Variants in TRPM6 observed in about 807,000 individuals in gnomAD.
TRPM6 encodes transient receptor potential cation channel subfamily M member 6.
Under a neutral mutation model 247.6 loss-of-function variants are expected in TRPM6, and 111 were observed. That is an observed-to-expected ratio of 0.45 (90% CI 0.38 to 0.52). The LOEUF (loss-of-function observed/expected upper bound fraction) is 0.52, where lower values mean the gene tolerates loss of function less well. Ranked by LOEUF, TRPM6 falls within the 20% of genes least tolerant of loss-of-function variation. The pLI, the probability that TRPM6 is intolerant of heterozygous loss-of-function variation, is 0.00. For missense variants in TRPM6, 2,126 were observed against 2,421.5 expected (o/e 0.88, Z 2.56); for synonymous variants, 892 against 853.8 (o/e 1.04, Z -0.78).
chr9:74,866,473 T>A (rs146204765), intron 1 of TRPM6, among the ~76,000 whole-genome samples: 4 of 149,812 alleles, frequency 2.7e-5, no homozygotes, highest in African/African-American at 7.3e-5. Flanking sequence ...TTGGGGGGGT[T>A]TTTTGTTTTT....
intron 23 of TRPM6, among the ~76,000 whole-genome samples, chr9:74,777,697 G>T (rs1410363309): frequency 6.6e-6 from 1 of 152,146 alleles, no homozygotes; most frequent in Non-Finnish European, 1.5e-5. Flanking sequence ...AACCGTGCCA[G>T]GGCAGGAAGG....
intron 25 of TRPM6, among the ~76,000 whole-genome samples, chr9:74,771,493 C>T (rs1172399454): frequency 6.6e-6 from 1 of 152,226 alleles, no homozygotes; most frequent in Non-Finnish European, 1.5e-5. Context: ...TTATTAACCA[C>T]TTATTCCTAG....
intron 9 of TRPM6, among the ~76,000 whole-genome samples, chr9:74,817,849 G>T (rs1277970005): frequency 6.6e-6 from 1 of 152,160 alleles, no homozygotes; most frequent in African/African-American, 2.4e-5. Context: ...AGATTGGCAA[G>T]ACCTAGTCCC....
intron 1 of TRPM6, among the ~76,000 whole-genome samples, chr9:74,866,480 T>C (rs926111736): frequency 1.3e-5 from 2 of 152,064 alleles, no homozygotes; most frequent in African/African-American, 4.8e-5. Flanking sequence ...GGTTTTTTGT[T>C]TTTTGTTTTT....
chr9:74,731,215 G>T (rs1419341438), intron 37 of TRPM6, among the ~76,000 whole-genome samples: 2 of 152,088 alleles, frequency 1.3e-5, no homozygotes, highest in Non-Finnish European at 2.9e-5. Flanking sequence ...ATATGCCAAG[G>T]TCAAAATTTA....
chr9:74,803,337 G>T (rs930181305), intron 15 of TRPM6, among the ~76,000 whole-genome samples: 5 of 151,680 alleles, frequency 3.3e-5, no homozygotes, highest in Admixed American at 6.6e-5. Flanking sequence ...TTGTCATACT[G>T]TAATATTAGA....
intron 23 of TRPM6, among the ~76,000 whole-genome samples, chr9:74,776,489 A>G (rs182498109): frequency 1.3e-5 from 2 of 152,312 alleles, no homozygotes; most frequent in South Asian, 2.1e-4. Flanking sequence ...AAATGTGAGA[A>G]CTGCTAGAAA....
At chr9:74,726,819 G>T (rs1322884372) in intron 38 of TRPM6, among the ~76,000 whole-genome samples, 6 of 152,154 alleles carry the variant, frequency 3.9e-5, no homozygotes, top group Non-Finnish European at 1.5e-5. Flanking sequence ...CTTCCAGAGG[G>T]CCCTTACCTG....
At chr9:74,791,737 A>G (rs1342764235) in intron 19 of TRPM6, among the ~76,000 whole-genome samples, 1 of 152,118 alleles carries the variant, frequency 6.6e-6, no homozygotes, top group African/African-American at 2.4e-5. Context: ...ATTCCTACAA[A>G]CAAAAAGCTG....
rs143022242 is a variant in TRPM6, at chr9:74,739,902, A to G, written c.5308T>C (p.Leu1770=). ...CCCCCATCCATCTCCTCTCGGGACA[A>G]TACCTGGATCATTGCCGCTCTCCCA... is the stretch of plus-strand genomic sequence containing the variant. ...QRGRAAMIQV[L]SREEMDGGLR... The change falls in exon 34 of 39, where the codon TTG becomes CTG. Residue 1770 remains leucine (L), a synonymous_variant. Coordinates refer to ENST00000360774, the MANE Select transcript of TRPM6 (RefSeq NM_017662.5). The G allele has an allele frequency of 8.7e-6, 14 of 1,614,002 alleles. No homozygotes were observed. In the African/African-American group the frequency reaches 1.7e-4, roughly 20 times the overall value.
intron 1 of TRPM6, among the ~76,000 whole-genome samples, chr9:74,871,500 C>T (rs1831030088): frequency 6.6e-6 from 1 of 152,128 alleles, no homozygotes; most frequent in Non-Finnish European, 1.5e-5. Flanking sequence ...CCAGTATTCC[C>T]TAATATGGAA....
intron 16 of TRPM6, 90 bp downstream of exon 16, chr9:74,801,808 T>C: frequency 7.3e-6 from 11 of 1,509,890 alleles, no homozygotes; most frequent in Non-Finnish European, 1.0e-5. Context: ...AGTCCATTTG[T>C]CCTACAAGTT....
intron 25 of TRPM6, among the ~76,000 whole-genome samples, chr9:74,763,844 C>A (rs1158137353): frequency 6.6e-6 from 1 of 152,114 alleles, no homozygotes; most frequent in Non-Finnish European, 1.5e-5. Flanking sequence ...ATGTAAGTTG[C>A]AAGTAAATTG....
At chr9:74,745,980 C>T (rs181532615) in intron 31 of TRPM6, among the ~76,000 whole-genome samples, 24 of 152,284 alleles carry the variant, frequency 1.6e-4, no homozygotes, top group African/African-American at 4.8e-4. Context: ...CGGGGGCCCA[C>T]GCCTGTAATC....
At chr9:74,766,319 G>A (rs920132832) in intron 25 of TRPM6, among the ~76,000 whole-genome samples, 3 of 152,160 alleles carry the variant, frequency 2.0e-5, no homozygotes, top group Admixed American at 1.3e-4. Flanking sequence ...GACCACCAAC[G>A]ACATTAATTT....
rs1454690214 is a variant in TRPM6, at chr9:74,805,423, G to A, written c.1639-1537C>T. On this transcript the variant is annotated intron_variant, in intron 14 of 38. Transcript: ENST00000360774. ...GGTTCAGTAAAGAGTGGCTCTGGCCGCTAATCCCAGAAATTACTCCCTCAT... is the reference window on the plus strand; with the variant it reads ...GGTTCAGTAAAGAGTGGCTCTGGCCACTAATCCCAGAAATTACTCCCTCAT... 5.3e-5 allele frequency among the ~76,000 whole-genome samples: 8 copies of A among 152,124 alleles called. No homozygotes were observed. In the South Asian group the frequency reaches 8.3e-4, roughly 16 times the overall value.
At position 74,770,192 on chromosome 9, in the gene TRPM6, T is replaced by C. The variant is rs1336012151; in HGVS notation, c.3536+1511A>G. 2.0e-5 allele frequency among the ~76,000 whole-genome samples: 3 copies of C among 152,164 alleles called. No individual in the cohort carries two copies. In the East Asian group the frequency reaches 5.8e-4, roughly 29 times the overall value. ...TTTATATAAACATGACTTATGCCCA[T>C]AGTGAACCATTTAGAAAGTTCTTCA... On this transcript the variant is annotated intron_variant, in intron 25 of 38. Coordinates refer to ENST00000360774, the MANE Select transcript of TRPM6 (RefSeq NM_017662.5).
chr9:74,797,444 A>G (rs534498531), intron 17 of TRPM6, among the ~76,000 whole-genome samples: 1 of 152,302 alleles, frequency 6.6e-6, no homozygotes, highest in African/African-American at 2.4e-5. Flanking sequence ...TATACTTTAA[A>G]GCATCTCTAA....
At chr9:74,784,578 G>A (rs577836182) in intron 21 of TRPM6, among the ~76,000 whole-genome samples, 6 of 152,118 alleles carry the variant, frequency 3.9e-5, no homozygotes, top group African/African-American at 1.4e-4. Context: ...AAGAATAAAC[G>A]GATATTTTAG....
Sources: gnomAD v4.1 joint callset for allele counts (sites outside exome capture counted in the v4.1 genomes callset) on GRCh38, gnomAD v4.1.1 for gene constraint, MANE v1.5 for transcripts, NCBI Gene and HGNC (gene_info 2026-07-23, HGNC 2026-07-21) for gene names.